The following SGCZ variants were observed in gnomAD, a reference collection of about 807,000 sequenced individuals.
The protein encoded by SGCZ is zeta-sarcoglycan.
In SGCZ, 40 loss-of-function variants were observed where a neutral mutation model predicts 41.3. The observed-to-expected ratio is 0.97, with a 90% CI of 0.75 to 1.26. The LOEUF (loss-of-function observed/expected upper bound fraction) is 1.26, where lower values mean the gene tolerates loss of function less well. SGCZ is among the 50% of genes most tolerant of loss of function. The pLI, the probability that SGCZ is intolerant of heterozygous loss-of-function variation, is 0.00. For missense variants in SGCZ, 552 were observed against 369.8 expected, an observed-to-expected ratio of 1.49 and a Z score of -4.04; for synonymous variants, 206 against 137.5, an observed-to-expected ratio of 1.50 and a Z score of -3.49.
intron 1 of SGCZ, among the ~76,000 whole-genome samples, chr8:15,128,456 C>A (rs1305678840): frequency 2.0e-5 from 3 of 152,216 alleles, no homozygotes; most frequent in Non-Finnish European, 4.4e-5. Context: ...GGCCTGCCTG[C>A]CTGGCTGAGC....
chr8:14,300,008 G>A (rs544970074), intron 3 of SGCZ, among the ~76,000 whole-genome samples: 101 of 151,930 alleles, frequency 6.6e-4, no homozygotes, highest in African/African-American at 2.4e-3. Context: ...TTTTTACAAA[G>A]GCCAAGAGTA....
In SGCZ at chr8:14,488,566, C is replaced by G. The variant is rs144516377; in HGVS notation, c.234+66166G>C. Among the ~76,000 whole-genome samples the G allele has an allele frequency of 7.1e-4, 107 of 149,840 alleles. 3 individuals carry two copies. In the East Asian group the frequency reaches 0.015, roughly 21 times the overall value. On this transcript the variant is annotated intron_variant, in intron 2 of 7. Transcript: ENST00000382080. ...ACATGGAAATGCCTCTCAAGGATCT[C>G]GGAGCTAACCCATTGAAATGTAATC... is the stretch of plus-strand genomic sequence containing the variant.
intron 1 of SGCZ, among the ~76,000 whole-genome samples, chr8:14,960,003 A>G (rs976120649): frequency 1.3e-5 from 2 of 152,186 alleles, no homozygotes; most frequent in African/African-American, 4.8e-5. Context: ...CTGCCATTTC[A>G]ATACTCTAGT....
chr8:15,025,848 A>G (rs1803437110), intron 1 of SGCZ, among the ~76,000 whole-genome samples: 1 of 152,156 alleles, frequency 6.6e-6, no homozygotes, highest in African/African-American at 2.4e-5. Flanking sequence ...CTAAACTGTA[A>G]TTTTTATATA....
intron 2 of SGCZ, among the ~76,000 whole-genome samples, chr8:14,423,682 G>A (rs1276155279): frequency 6.6e-6 from 1 of 152,128 alleles, no homozygotes; most frequent in Non-Finnish European, 1.5e-5. Flanking sequence ...CCAAAGTGCT[G>A]GTATTACAGG....
intron 1 of SGCZ, among the ~76,000 whole-genome samples, chr8:15,221,528 T>C (rs190066554): frequency 2.6e-5 from 4 of 152,280 alleles, no homozygotes; most frequent in Admixed American, 2.6e-4. Context: ...ACCAGGTCTA[T>C]CCTATCATAG....
At chr8:14,264,944 C>T (rs1585297938) in intron 3 of SGCZ, among the ~76,000 whole-genome samples, 2 of 152,160 alleles carry the variant, frequency 1.3e-5, no homozygotes, top group East Asian at 3.9e-4. Context: ...GCCTGGGTGA[C>T]AGAGCGAGAC....
At chr8:14,427,151 G>T (rs577426769) in intron 2 of SGCZ, among the ~76,000 whole-genome samples, 8 of 151,952 alleles carry the variant, frequency 5.3e-5, no homozygotes, top group Non-Finnish European at 7.4e-5. Context: ...TCAAGTAGAA[G>T]CAATGTGTAC....
At chr8:14,125,475 G>A (rs1802823084) in intron 5 of SGCZ, among the ~76,000 whole-genome samples, 1 of 148,010 alleles carries the variant, frequency 6.8e-6, no homozygotes, top group Admixed American at 6.8e-5. Flanking sequence ...CTGCACTCCA[G>A]CCCAGGTGAC....
chr8:14,613,575 G>C (rs977705248), intron 1 of SGCZ, among the ~76,000 whole-genome samples: 4 of 152,070 alleles, frequency 2.6e-5, no homozygotes, highest in Middle Eastern at 3.2e-3. Context: ...TTCTTCCTAT[G>C]CTCAATCATT....
At chr8:14,448,481 A>T (rs181311551) in intron 2 of SGCZ, among the ~76,000 whole-genome samples, 3 of 152,314 alleles carry the variant, frequency 2.0e-5, no homozygotes, top group Non-Finnish European at 2.9e-5. Flanking sequence ...TGAGAGCAGA[A>T]ATGTAAAAAT....
At chr8:14,975,800 T>TAC (rs1287473583) in intron 1 of SGCZ, among the ~76,000 whole-genome samples, 5 of 108,658 alleles carry the variant, frequency 4.6e-5, no homozygotes, top group African/African-American at 1.5e-4. Flanking sequence ...TATATATATA[T>TAC]ATATATATAT....
Position 14,997,965 on chromosome 8 carries a change from G to GA in SGCZ, c.39+239619dup, listed in dbSNP as rs534614236. Among the ~76,000 whole-genome samples, 95 of 146,120 alleles carry GA rather than the reference G, an allele frequency of 6.5e-4. 2 individuals are homozygous for GA. In the East Asian group the frequency reaches 0.012, roughly 18 times the overall value. Reference sequence around the variant, plus strand: ...AAAGAGTGAGACTCTGTCACAAAAGGAAAAAAAAAAATCCTAGTCATGTCA... The same window carrying GA: ...AAAGAGTGAGACTCTGTCACAAAAGGAAAAAAAAAAAATCCTAGTCATGTCA... On this transcript the variant is annotated intron_variant, in intron 1 of 7. Coordinates refer to ENST00000382080, the MANE Select transcript of SGCZ (RefSeq NM_139167.4).
chr8:14,727,051 A>C (rs1810078242), intron 1 of SGCZ, among the ~76,000 whole-genome samples: 1 of 152,196 alleles, frequency 6.6e-6, no homozygotes, highest in Non-Finnish European at 1.5e-5. Flanking sequence ...AAATATTTTC[A>C]ATAAGCTTAT....
chr8:14,690,895 T>C (rs1265027355), intron 1 of SGCZ, among the ~76,000 whole-genome samples: 2 of 152,200 alleles, frequency 1.3e-5, no homozygotes, highest in Admixed American at 1.3e-4. Flanking sequence ...GTTAGTGTTG[T>C]GAAATATAAA....
chr8:15,172,584 C>A (rs562717836), intron 1 of SGCZ, among the ~76,000 whole-genome samples: 48 of 152,104 alleles, frequency 3.2e-4, no homozygotes, highest in Non-Finnish European at 5.6e-4. Flanking sequence ...AAAGTTTTTC[C>A]TTCAATTTAC....
chr8:14,993,634 G>T (rs1802103074), intron 1 of SGCZ, among the ~76,000 whole-genome samples: 1 of 152,172 alleles, frequency 6.6e-6, no homozygotes, highest in Non-Finnish European at 1.5e-5. Flanking sequence ...GCAAAGACAA[G>T]AAGTAAGGAA....
At chr8:15,086,097 T>C (rs957381850) in intron 1 of SGCZ, among the ~76,000 whole-genome samples, 5 of 152,224 alleles carry the variant, frequency 3.3e-5, no homozygotes, top group African/African-American at 7.2e-5. Context: ...AAATCTAAAC[T>C]TAATTAGCAT....
At chr8:14,683,301 C>T (rs1265807890) in intron 1 of SGCZ, among the ~76,000 whole-genome samples, 3 of 151,960 alleles carry the variant, frequency 2.0e-5, no homozygotes, top group African/African-American at 7.3e-5. Context: ...GAAAGTATGA[C>T]AGATGTTTAA....
Sources: allele counts gnomAD v4.1 joint callset (sites outside exome capture counted in the v4.1 genomes callset), GRCh38; gene constraint gnomAD v4.1.1; transcripts MANE v1.5; gene names NCBI Gene and HGNC (gene_info 2026-07-23, HGNC 2026-07-21).